RELN: variants seen among roughly 807,000 people sequenced by gnomAD.
The protein encoded by RELN is reelin.
Under a neutral mutation model 427.6 loss-of-function variants are expected in RELN, and 108 were observed. The observed-to-expected ratio is 0.25, with a 90% CI of 0.22 to 0.30. The LOEUF (loss-of-function observed/expected upper bound fraction) is 0.30. Ranked by LOEUF, RELN falls within the 10% of genes least tolerant of loss-of-function variation. RELN has a pLI of 1.00. For synonymous variants in RELN, 1,524 were observed against 1,513.4 expected (o/e 1.01, Z -0.16); for missense variants, 3,715 against 4,302.8 (o/e 0.86, Z 3.82).
At chr7:103,967,296 C>T (rs748373102) in intron 1 of RELN, among the ~76,000 whole-genome samples, 7 of 152,160 alleles carry the variant, frequency 4.6e-5, no homozygotes, top group Non-Finnish European at 7.4e-5. Context: ...CAGGCCTCTA[C>T]AACTCCAGTC....
At chr7:103,807,965 T>C (rs185157995) in intron 3 of RELN, among the ~76,000 whole-genome samples, 1 of 152,200 alleles carries the variant, frequency 6.6e-6, no homozygotes, top group East Asian at 1.9e-4. Context: ...CAACTGAGGA[T>C]GGGATACTCT....
At position 103,590,129 on chromosome 7, in the gene RELN, A is replaced by G. The variant is rs372273761; in HGVS notation, c.3913-301T>C. ...TGAGTCTCAGACAAAAGATATGCCA[A>G]GAAGCTGCTTTTTTCTCCCTCCTCA... On this transcript the variant is annotated intron_variant, in intron 27 of 64. Coordinates refer to ENST00000428762, the MANE Select transcript of RELN (RefSeq NM_005045.4). Among the ~76,000 whole-genome samples, 22 of 152,360 alleles carry G rather than the reference A, an allele frequency of 1.4e-4. No homozygotes were observed. In the East Asian group the frequency reaches 3.3e-3, roughly 23 times the overall value.
chr7:103,756,374 G>C (rs1435730691), intron 4 of RELN, among the ~76,000 whole-genome samples: 1 of 152,130 alleles, frequency 6.6e-6, no homozygotes, highest in Non-Finnish European at 1.5e-5. Flanking sequence ...AAATTCACTG[G>C]TTTAAACTAC....
chr7:103,984,722 T>C (rs571977866), intron 1 of RELN, among the ~76,000 whole-genome samples: 1 of 152,288 alleles, frequency 6.6e-6, no homozygotes, highest in East Asian at 1.9e-4. Context: ...GCAGCTTCAG[T>C]TCACTTATAA....
At chr7:103,653,170 T>G (rs996022953) in intron 13 of RELN, among the ~76,000 whole-genome samples, 1 of 152,070 alleles carries the variant, frequency 6.6e-6, no homozygotes, top group Non-Finnish European at 1.5e-5. Flanking sequence ...CAAACTAGTA[T>G]TGTGAAAATA....
rs2116769691 is a variant in RELN at position 103,953,394 on chromosome 7, T to A, written c.226+35737A>T. ...TCAAGAAGACTCAAGACAACTCAGA[T>A]AACGTGATTCAATCACTTGTAACAT... is the stretch of plus-strand genomic sequence containing the variant. On this transcript the variant is annotated intron_variant, in intron 1 of 64. Coordinates refer to ENST00000428762, the MANE Select transcript of RELN (RefSeq NM_005045.4). This position sits in a 1 kb window ranked among gnomAD's most constrained non-coding sequence, Gnocchi z 4.3. 6.6e-6 allele frequency among the ~76,000 whole-genome samples: 1 copy of A among 152,318 alleles called. No individual in the cohort carries two copies. Among genetic ancestry groups the A allele is most frequent in the East Asian group, 1.9e-4 (1 of 5,184 alleles).
chr7:103,722,745 G>C (rs1310561604), intron 8 of RELN, among the ~76,000 whole-genome samples: 2 of 151,972 alleles, frequency 1.3e-5, no homozygotes, highest in African/African-American at 4.8e-5. Flanking sequence ...GGTTTCTTTC[G>C]GTTACCAGTA....
chr7:103,716,411 C>T (rs544305446), intron 8 of RELN, among the ~76,000 whole-genome samples: 60 of 152,232 alleles, frequency 3.9e-4, no homozygotes, highest in African/African-American at 1.3e-3. Flanking sequence ...CTACAGGGAA[C>T]GTAAGCACAT....
At chr7:103,630,433 T>C (rs1832427125) in intron 19 of RELN, among the ~76,000 whole-genome samples, 1 of 152,186 alleles carries the variant, frequency 6.6e-6, no homozygotes, top group Non-Finnish European at 1.5e-5. Context: ...GTGACAGTAT[T>C]CATCATAGTC....
At chr7:103,494,985 T>A (rs574612916) in intron 57 of RELN, among the ~76,000 whole-genome samples, 52 of 151,900 alleles carry the variant, frequency 3.4e-4, no homozygotes, top group African/African-American at 1.2e-3. Context: ...GAGAGAGAAC[T>A]GTGCAACATA....
chr7:103,925,940 T>C (rs1223952632), intron 1 of RELN, among the ~76,000 whole-genome samples: 1 of 152,006 alleles, frequency 6.6e-6, no homozygotes, highest in Non-Finnish European at 1.5e-5. Context: ...TTTTATACAA[T>C]AAAAAAGGCT....
intron 2 of RELN, among the ~76,000 whole-genome samples, chr7:103,873,195 CA>C (rs1257974370): frequency 6.7e-6 from 1 of 148,342 alleles, no homozygotes; most frequent in Non-Finnish European, 1.5e-5. Flanking sequence ...CTCTGGGACG[CA>C]TTCAAAGCAG....
intron 2 of RELN, among the ~76,000 whole-genome samples, chr7:103,883,566 A>T (rs186421075): frequency 1.9e-4 from 29 of 152,366 alleles, no homozygotes; most frequent in Admixed American, 1.3e-3. Flanking sequence ...CCTTAAGCTG[A>T]TAAGTAACTT....
chr7:103,498,287 AC>A, intron 53 of RELN, 35 bp from the exon 54 acceptor site: 3 of 1,451,812 alleles, frequency 2.1e-6, no homozygotes, highest in Non-Finnish European at 2.9e-6. Context: ...GGTTAAAAAA[AC>A]AATTTCAGAT....
intron 3 of RELN, among the ~76,000 whole-genome samples, chr7:103,829,200 T>C (rs1793215434): frequency 6.6e-6 from 1 of 151,996 alleles, no homozygotes; most frequent in Non-Finnish European, 1.5e-5. Flanking sequence ...ATTATTAATG[T>C]TGTAGTTGTT....
intron 2 of RELN, among the ~76,000 whole-genome samples, chr7:103,842,316 T>C (rs993248841): frequency 6.6e-6 from 1 of 152,132 alleles, no homozygotes; most frequent in African/African-American, 2.4e-5. Context: ...AGTGTTATAT[T>C]GTAAATGAAA....
At chr7:103,866,799 T>C (rs1794210419) in intron 2 of RELN, among the ~76,000 whole-genome samples, 1 of 152,076 alleles carries the variant, frequency 6.6e-6, no homozygotes, top group Non-Finnish European at 1.5e-5. Flanking sequence ...GTAGAAGTTC[T>C]AATATTTTCT....
chr7:103,659,512 C>A (rs982897989), intron 12 of RELN, among the ~76,000 whole-genome samples: 1 of 152,076 alleles, frequency 6.6e-6, no homozygotes, highest in Non-Finnish European at 1.5e-5. Flanking sequence ...ATTCTTGTGC[C>A]CTTTTTTCAT....
chr7:103,550,344 A>G (rs763703497), intron 41 of RELN, among the ~76,000 whole-genome samples: 8 of 152,200 alleles, frequency 5.3e-5, no homozygotes, highest in Non-Finnish European at 1.2e-4. Flanking sequence ...TGATATTAGT[A>G]CTTTCTTCTT....
Sources: allele counts gnomAD v4.1 joint callset (sites outside exome capture counted in the v4.1 genomes callset), GRCh38; gene constraint gnomAD v4.1.1; non-coding constraint Gnocchi (gnomAD v3.1); transcripts MANE v1.5; gene names NCBI Gene and HGNC (gene_info 2026-07-23, HGNC 2026-07-21).